The following RIF1 variants were observed in gnomAD, a reference collection of about 807,000 sequenced individuals.
RIF1 encodes replication timing regulatory factor 1.
A neutral mutation model predicts 247.1 loss-of-function variants in RIF1; 45 were observed. The observed-to-expected ratio is 0.18, with a 90% CI of 0.14 to 0.23. RIF1 has a LOEUF of 0.23. Among genes scored for constraint, RIF1 ranks in the 10% least tolerant of loss-of-function variants. The probability of loss-of-function intolerance (pLI) is 1.00; values close to 1 mark genes in which losing one functional copy is unlikely to be tolerated. For synonymous variants in RIF1, 1,087 were observed against 978.8 expected (o/e 1.11, Z -2.06); for missense variants, 2,967 against 2,862.5 (o/e 1.04, Z -0.83).
Position 151,436,842 on chromosome 2 carries a change from A to C in RIF1, c.1211A>C (p.Tyr404Ser), listed in dbSNP as rs559302493. ...TTTCTTAAAGGTGCTTCCTCCCCGT[A>C]CGGAGCCCCGGGAACTCCCCGAATG... ...TPVHKGASSPYGAPGTPRMNL... is the reference protein window; with the variant it reads ...TPVHKGASSPSGAPGTPRMNL... Residue 404 changes from tyrosine (Y) to serine (S), a missense_variant, in exon 12 of 36, where the codon TAC (tyrosine) becomes TCC (serine). Physicochemically the swap from Tyr to Ser is moderately radical, Grantham distance 144. Transcript: ENST00000444746. 260 of 1,598,232 alleles carry C rather than the reference A, an allele frequency of 1.6e-4. 6 individuals are homozygous for C. In the South Asian group the frequency reaches 2.8e-3, roughly 17 times the overall value.
At position 151,465,112 on chromosome 2, in the gene RIF1, G is replaced by T. The variant is rs761568427; in HGVS notation, c.5592G>T (p.Pro1864=). ...ATGAAAATTTTAAAACTGTTGGCCC[G>T]TGTTTAGGAGACTCGAAAAATGTTT... The part of the protein sequence containing the change: ...SPNENFKTVG[P]CLGDSKNVSQ... The change falls in exon 30 of 36, where the codon CCG becomes CCT. Residue 1864 remains proline, a synonymous_variant. Transcript: ENST00000444746. The T allele has an allele frequency of 1.9e-6, 3 of 1,611,372 alleles. No homozygotes were observed. The highest frequency in any genetic ancestry group is 2.5e-6 in the Non-Finnish European group (3 of 1,179,470).
At position 151,464,083 on chromosome 2, in the gene RIF1, T is replaced by G. The variant is rs142857822; in HGVS notation, c.4563T>G (p.Ile1521Met). Residue 1521 changes from isoleucine (I) to methionine (M), a missense_variant, in exon 30 of 36, where the codon ATT (isoleucine) becomes ATG (methionine). This residue lies in a region of RIF1 where 2,028 missense variants were observed against 1,825.6 expected (regional missense o/e 1.11). Coordinates refer to ENST00000444746, the MANE Select transcript of RIF1 (RefSeq NM_018151.5). ...CTGAGGGGGATGGTACCCAGGACAT[T>G]GTAGATAAGTCCTCTGAGAAACTAG... ...IKSEGDGTQD[I>M]VDKSSEKLVR... The G allele has an allele frequency of 6.6e-5, 106 of 1,612,786 alleles. No individual in the cohort carries two copies. The South Asian group carries it at 1.1e-3, about 17-fold the overall frequency.
rs545995101 is a variant in RIF1, at chr2:151,410,085, G to C, written c.-11+52G>C. On this transcript the variant is annotated intron_variant, in intron 1 of 35. Coordinates refer to ENST00000444746, the MANE Select transcript of RIF1 (RefSeq NM_018151.5). The stretch of plus-strand genomic sequence containing the variant: ...GTAGGCCGCGGGGAACCCTCAGTCT[G>C]CCCACCCTCCGCCCCCTCGCGGCGA... 4.3e-6 allele frequency: 3 copies of C among 699,738 alleles called. No homozygotes were observed. In the East Asian group the frequency reaches 8.1e-5, roughly 19 times the overall value. 43.3% of individuals were successfully genotyped at this position (699,738 alleles called of 1,614,324 possible). A position where few individuals can be genotyped will look rare whatever the true frequency, so the allele number is the denominator to read the frequency against.
downstream of RIF1, among the ~76,000 whole-genome samples, chr2:151,508,400 C>G (rs117151886): frequency 1.2e-4 from 18 of 152,318 alleles, no homozygotes; most frequent in East Asian, 3.5e-3. Context: ...GGAGGAAGGT[C>G]ACAGCCAGCA....
intron 16 of RIF1, among the ~76,000 whole-genome samples, chr2:151,442,716 C>T (rs1263685909): frequency 1.3e-5 from 2 of 148,588 alleles, no homozygotes; most frequent in South Asian, 2.1e-4. Flanking sequence ...CTCATAATTC[C>T]TTGATTTTCT....
chr2:151,411,158 G>A (rs7585604), intron 2 of RIF1, 102 bp from the exon 3 acceptor site: 707,401 of 721,458 alleles, frequency 0.98, 348,116 homozygotes, highest in East Asian at 1. Flanking sequence ...TTCATTTGCA[G>A]GAGTTAGAAA....
exon 11 of RIF1, chr2:151,499,488 G>C: frequency 1.5e-6 from 1 of 669,072 alleles, no homozygotes; most frequent in Non-Finnish European, 2.7e-6. Flanking sequence ...ACAGACGTCA[G>C]ACAGAAAAGA....
At chr2:151,424,751 C>T (rs1426385553) in intron 8 of RIF1, among the ~76,000 whole-genome samples, 1 of 150,858 alleles carries the variant, frequency 6.6e-6, no homozygotes, top group Non-Finnish European at 1.5e-5. Context: ...TCACTGCAAC[C>T]TCTGTCTCCC....
At chr2:151,530,084 C>CCCT in the RIF1 span, among the ~76,000 whole-genome samples, 1 of 152,068 alleles carries the variant, frequency 6.6e-6, no homozygotes, top group Non-Finnish European at 1.5e-5. Context: ...CATTAAGGAC[C>CCCT]CCTTAAGGGC....
intron 11 of RIF1, 39 bp downstream of exon 11, chr2:151,435,619 A>G: frequency 8.8e-7 from 1 of 1,141,906 alleles, no homozygotes; most frequent in South Asian, 1.2e-5. Flanking sequence ...TTTTTTAATC[A>G]GGCTTTGTTG....
the RIF1 span, chr2:151,527,559 G>A: frequency 3.1e-6 from 5 of 1,612,748 alleles, no homozygotes; most frequent in Non-Finnish European, 4.2e-6. Flanking sequence ...GGGCTTTGTT[G>A]GCTTCGTACT....
At chr2:151,498,773 T>G (rs756846904) in intron 10 of RIF1, among the ~76,000 whole-genome samples, 9 of 152,120 alleles carry the variant, frequency 5.9e-5, no homozygotes, top group Non-Finnish European at 7.4e-5. Flanking sequence ...TGGAGACACA[T>G]ACACACAACT....
chr2:151,474,798 TA>T, intron 35 of RIF1, 58 bp from the exon 36 acceptor site: 1 of 986,712 alleles, frequency 1.0e-6, no homozygotes, highest in Non-Finnish European at 1.5e-6. Context: ...AAAGATCATG[TA>T]AAAAATTTAA....
At chr2:151,514,175 C>T in the RIF1 span, 6 of 642,082 alleles carry the variant, frequency 9.3e-6, no homozygotes, top group African/African-American at 7.2e-5. Flanking sequence ...TAATGGTTAA[C>T]AATTATGTTG....
rs541787991 is a variant in RIF1, at chr2:151,504,812, TG to T, written c.*862-1397del. On this transcript the variant is annotated intron_variant and NMD_transcript_variant, in intron 12 of 13. Coordinates refer to the RIF1 transcript ENST00000454583. ...AAATGTGCTAACCTGATATTTCAGG[TG>T]TGGGGGACACGTGCCCTGCAATAAA... Among the ~76,000 whole-genome samples the T allele has an allele frequency of 8.5e-5, 13 of 152,268 alleles. No homozygotes were observed. The South Asian group carries it at 2.5e-3, about 29-fold the overall frequency.
intron 20 of RIF1, among the ~76,000 whole-genome samples, chr2:151,448,846 C>A (rs920617342): frequency 1.2e-4 from 18 of 152,110 alleles, no homozygotes; most frequent in African/African-American, 4.1e-4. Flanking sequence ...TATAACTGAT[C>A]GGAAGAAGGT....
intron 13 of RIF1, chr2:151,506,876 T>G: frequency 7.3e-7 from 1 of 1,364,196 alleles, no homozygotes; most frequent in Non-Finnish European, 1.0e-6. Context: ...ATGACTAGGT[T>G]AGCATTAAAT....
At chr2:151,515,441 G>A in the RIF1 span, among the ~76,000 whole-genome samples, 1 of 152,050 alleles carries the variant, frequency 6.6e-6, no homozygotes, top group East Asian at 1.9e-4. Context: ...TCAAACTCCT[G>A]AGCTGAAGTG....
intron 19 of RIF1, 46 bp from the exon 20 acceptor site, chr2:151,446,380 G>C: frequency 6.6e-7 from 1 of 1,513,096 alleles, no homozygotes; most frequent in Non-Finnish European, 9.1e-7. Context: ...AACTTTGATA[G>C]ATAGGTATAT....
Sources: allele counts gnomAD v4.1 joint callset (sites outside exome capture counted in the v4.1 genomes callset), GRCh38; gene constraint gnomAD v4.1.1; regional missense constraint gnomAD v4.1.1; transcripts MANE v1.5; gene names NCBI Gene and HGNC (gene_info 2026-07-23, HGNC 2026-07-21).